UNC13C: variants seen among roughly 807,000 people sequenced by gnomAD.
The protein encoded by UNC13C is protein unc-13 homolog C.
Under a neutral mutation model 245.4 loss-of-function variants are expected in UNC13C, and 174 were observed. The observed-to-expected ratio is 0.71, with a 90% CI of 0.63 to 0.80. The LOEUF (loss-of-function observed/expected upper bound fraction) is 0.80. Among genes scored for constraint, UNC13C ranks in the 30% least tolerant of loss-of-function variants. UNC13C has a pLI of 0.00. For synonymous variants in UNC13C, 992 were observed against 895.1 expected, an observed-to-expected ratio of 1.11 and a Z score of -1.93; for missense variants, 2,829 against 2,602.9, an observed-to-expected ratio of 1.09 and a Z score of -1.89.
At chr15:54,354,046 T>C (rs2140848653) in intron 17 of UNC13C, among the ~76,000 whole-genome samples, 1 of 152,062 alleles carries the variant, frequency 6.6e-6, no homozygotes, top group Non-Finnish European at 1.5e-5. Context: ...TGGCAAGGAG[T>C]GGATGTCTTA....
At position 54,606,133 on chromosome 15, in the gene UNC13C, A is replaced by G. The variant is rs538959789; in HGVS notation, c.6107-16194A>G. Among the ~76,000 whole-genome samples the G allele has an allele frequency of 3.9e-5, 6 of 152,344 alleles. 1 individual carries two copies. Among genetic ancestry groups the G allele is most frequent in the African/African-American group, 1.4e-4 (6 of 41,590 alleles). ...TATTAAAGTATAAAAGAAAAGTACAATTAGTGAGCAAACATTCTATTACTT... is the reference window on the plus strand; with the variant it reads ...TATTAAAGTATAAAAGAAAAGTACAGTTAGTGAGCAAACATTCTATTACTT... On this transcript the variant is annotated intron_variant, in intron 30 of 32. Transcript: ENST00000260323.
intron 4 of UNC13C, among the ~76,000 whole-genome samples, chr15:54,190,744 A>G (rs1340939078): frequency 1.3e-5 from 2 of 151,978 alleles, no homozygotes; most frequent in South Asian, 2.1e-4. Flanking sequence ...TTAGGTGTGT[A>G]TTTATATATA....
intron 19 of UNC13C, among the ~76,000 whole-genome samples, chr15:54,488,401 A>G (rs556837): frequency 0.59 from 89,337 of 151,988 alleles, 26,417 homozygotes; most frequent in East Asian, 0.79. Flanking sequence ...GGAGAGGGAT[A>G]ATTAAAATAG....
chr15:54,289,439 G>A (rs945293031), intron 10 of UNC13C, among the ~76,000 whole-genome samples: 3 of 152,044 alleles, frequency 2.0e-5, no homozygotes, highest in Non-Finnish European at 4.4e-5. Flanking sequence ...TTTCTAGCCC[G>A]AGGTGATTAA....
intron 19 of UNC13C, among the ~76,000 whole-genome samples, chr15:54,449,265 T>A (rs1433152695): frequency 1.3e-5 from 2 of 152,180 alleles, no homozygotes; most frequent in Non-Finnish European, 2.9e-5. Context: ...GGAGTTGCTC[T>A]TCTCAAGGAG....
chr15:54,629,761 G>A (rs529382602), downstream of UNC13C: 1 of 142,614 alleles, frequency 7.0e-6, no homozygotes, highest in African/African-American at 2.5e-5. Context: ...GTTAGGATTT[G>A]CATTGATCAC....
At chr15:54,317,712 T>G (rs1444280273) in intron 13 of UNC13C, among the ~76,000 whole-genome samples, 1 of 151,982 alleles carries the variant, frequency 6.6e-6, no homozygotes, top group African/African-American at 2.4e-5. Flanking sequence ...AACGTATACA[T>G]CATCTCACAT....
At chr15:54,324,304 C>G (rs933435287) in intron 14 of UNC13C, among the ~76,000 whole-genome samples, 3 of 151,998 alleles carry the variant, frequency 2.0e-5, no homozygotes, top group Non-Finnish European at 4.4e-5. Context: ...ATTATATGCT[C>G]CCTTCTTGAT....
intron 19 of UNC13C, among the ~76,000 whole-genome samples, chr15:54,465,701 G>A (rs1269300587): frequency 6.6e-6 from 1 of 151,920 alleles, no homozygotes; most frequent in Non-Finnish European, 1.5e-5. Flanking sequence ...TCAAAGTGTG[G>A]CATTTTAATA....
intron 2 of UNC13C, among the ~76,000 whole-genome samples, chr15:54,051,664 A>G (rs12902635): frequency 1.3e-5 from 2 of 150,986 alleles, no homozygotes; most frequent in Non-Finnish European, 2.9e-5. Flanking sequence ...TTATTTATTT[A>G]TTTTAATCAG....
chr15:54,192,500 C>G (rs958464811), intron 4 of UNC13C, among the ~76,000 whole-genome samples: 52 of 152,064 alleles, frequency 3.4e-4, no homozygotes, highest in African/African-American at 1.2e-3. Flanking sequence ...TGGCAGCTGC[C>G]AGACTCTTCA....
intron 2 of UNC13C, among the ~76,000 whole-genome samples, chr15:54,120,477 G>T (rs1289163197): frequency 6.6e-6 from 1 of 152,092 alleles, no homozygotes; most frequent in African/African-American, 2.4e-5. Context: ...GGTCACTCAA[G>T]AGCTCTGAAG....
chr15:54,369,292 A>G (rs992600652), intron 17 of UNC13C, among the ~76,000 whole-genome samples: 1 of 152,050 alleles, frequency 6.6e-6, no homozygotes, highest in African/African-American at 2.4e-5. Flanking sequence ...TATTTGGGAT[A>G]AGGTTAATTC....
At position 54,572,627 on chromosome 15, in the gene UNC13C, T is replaced by A. The variant is rs1320035848; in HGVS notation, c.6106+4680T>A. Among the ~76,000 whole-genome samples, 7 of 151,924 alleles carry A rather than the reference T, an allele frequency of 4.6e-5. No individual in the cohort carries two copies. The East Asian group carries it at 1.4e-3, about 29-fold the overall frequency. On this transcript the variant is annotated intron_variant, in intron 30 of 32. Transcript: ENST00000260323. ...TTTTTAGTAGAGATGGATTTCACCA[T>A]GTTGGCCAGGCTGGTCTCAAACTCC...
At chr15:54,152,758 G>C (rs1172641750) in intron 4 of UNC13C, among the ~76,000 whole-genome samples, 1 of 152,056 alleles carries the variant, frequency 6.6e-6, no homozygotes, top group Non-Finnish European at 1.5e-5. Context: ...AAGATGGAAA[G>C]TGTAAGAAAT....
intron 2 of UNC13C, among the ~76,000 whole-genome samples, chr15:54,064,741 T>G (rs970457767): frequency 6.6e-6 from 1 of 152,186 alleles, no homozygotes; most frequent in African/African-American, 2.4e-5. Context: ...TAACTGCAGG[T>G]ACTGTTTAAT....
intron 19 of UNC13C, among the ~76,000 whole-genome samples, chr15:54,486,429 ACTC>A (rs2141073271): frequency 6.6e-6 from 1 of 150,570 alleles, no homozygotes; most frequent in South Asian, 2.1e-4. Flanking sequence ...ACAGAGCAAG[ACTC>A]CATCTCAAAG....
chr15:53,975,838 A>T (rs1016927582), upstream of UNC13C, among the ~76,000 whole-genome samples: 4 of 152,210 alleles, frequency 2.6e-5, no homozygotes, highest in African/African-American at 9.6e-5. Flanking sequence ...AGGAGAAATG[A>T]TCTTATTATT....
chr15:53,912,210 G>A, the UNC13C span: 1 of 152,226 alleles, frequency 6.6e-6, no homozygotes, highest in Non-Finnish European at 1.5e-5. Flanking sequence ...TGCCCAAGGA[G>A]GGGCAAGACA....
Sources: allele counts gnomAD v4.1 joint callset (sites outside exome capture counted in the v4.1 genomes callset), GRCh38; gene constraint gnomAD v4.1.1; transcripts MANE v1.5; gene names NCBI Gene and HGNC (gene_info 2026-07-23, HGNC 2026-07-21).